The following DECR1 variants were observed in gnomAD, a reference collection of about 807,000 sequenced individuals.
The protein encoded by DECR1 is 2,4-dienoyl-CoA reductase 1.
In DECR1, 44 loss-of-function variants were observed where a neutral mutation model predicts 38.8. The ratio of observed to expected loss-of-function variants is 1.13; its 90% confidence interval spans 0.89 to 1.46. The LOEUF is 1.46. Ranked by LOEUF, DECR1 falls within the 40% of genes most tolerant of loss-of-function variation. The pLI is 0.00. For synonymous variants in DECR1, 148 were observed against 135.2 expected, an observed-to-expected ratio of 1.09 and a Z score of -0.66; for missense variants, 428 against 405.5, an observed-to-expected ratio of 1.06 and a Z score of -0.48.
chr8:90,028,102 G>A lies in DECR1; in HGVS notation c.565+7046G>A, dbSNP rs373995664. Among the ~76,000 whole-genome samples, 41 of 152,152 alleles carry A rather than the reference G, an allele frequency of 2.7e-4. No homozygotes were observed. The South Asian group carries it at 7.1e-3, about 26-fold the overall frequency. On this transcript the variant is annotated intron_variant, in intron 5 of 9. Transcript: ENST00000220764. The stretch of plus-strand genomic sequence containing the variant: ...GGAGTTTATATGCAGATGTTACCTC[G>A]TCCTTTGCACCTGCTCTGGCAGCTT...
At position 90,017,251 on chromosome 8, in the gene DECR1, G is replaced by A; in HGVS notation, c.197G>A (p.Gly66Glu). The A allele has an allele frequency of 3.7e-6, 6 of 1,614,162 alleles. No homozygotes were observed. The highest frequency in any genetic ancestry group is 4.2e-6 in the Non-Finnish European group (5 of 1,180,040). The change falls in exon 2 of 10, where the codon GGG becomes GAG. Residue 66 changes from glycine (G) to glutamate (E), a missense_variant. Transcript: ENST00000220764. Reference sequence around the variant, plus strand: ...CAAGGAAAAGTGGCATTCATTACTGGGGGAGGTACTGGCCTTGGTAAAGGA... The same window carrying A: ...CAAGGAAAAGTGGCATTCATTACTGAGGGAGGTACTGGCCTTGGTAAAGGA... ...SFQGKVAFIT[G>E]GGTGLGKGMT...
At chr8:90,005,353 A>G (rs1318023942) in intron 1 of DECR1, 1 of 456,316 alleles carries the variant, frequency 2.2e-6, no homozygotes, top group Admixed American at 2.3e-5. Flanking sequence ...AGAAGCATAG[A>G]GTCCAATGGC....
chr8:90,001,677 G>A, intron 1 of DECR1, 116 bp downstream of exon 1: 1 of 956,604 alleles, frequency 1.0e-6, no homozygotes, highest in East Asian at 2.6e-5. Flanking sequence ...GGCGCAAAGA[G>A]AGAGGACAGG....
Position 90,051,678 on chromosome 8 carries a change from TCATTAA to T in DECR1, c.888_893del (p.Ile297_Lys298del), listed in dbSNP as rs763103653. On this transcript the variant is annotated inframe_deletion and splice_region_variant, in exon 9 of 10. Coordinates refer to ENST00000220764, the MANE Select transcript of DECR1 (RefSeq NM_001359.2). ...AGTTTAAAAATTTGTTTTTTCCAGG[TCATTAA>T]ATTTGACGGTGGAGAGGAAGTACTT... 8 of 1,611,296 alleles carry T rather than the reference TCATTAA, an allele frequency of 5.0e-6. No homozygotes were observed. The East Asian group carries it at 1.8e-4, about 36-fold the overall frequency.
intron 6 of DECR1, among the ~76,000 whole-genome samples, chr8:90,037,929 A>G (rs1489978360): frequency 1.3e-5 from 2 of 152,120 alleles, no homozygotes; most frequent in Non-Finnish European, 2.9e-5. Context: ...CTAAGAACAT[A>G]TATGTCTGCT....
intron 5 of DECR1, among the ~76,000 whole-genome samples, chr8:90,034,672 G>A (rs938157199): frequency 2.6e-5 from 4 of 151,962 alleles, no homozygotes; most frequent in Admixed American, 1.3e-4. Context: ...GGCTGGTCTC[G>A]AACTCCTGAC....
At chr8:90,012,402 C>T (rs1173343524) in intron 1 of DECR1, among the ~76,000 whole-genome samples, 1 of 152,124 alleles carries the variant, frequency 6.6e-6, no homozygotes, top group African/African-American at 2.4e-5. Flanking sequence ...GTCCACCTGC[C>T]TCGGCCTCCC....
intron 1 of DECR1, among the ~76,000 whole-genome samples, chr8:90,008,596 G>T (rs1812800645): frequency 6.6e-6 from 1 of 152,188 alleles, no homozygotes; most frequent in Non-Finnish European, 1.5e-5. Flanking sequence ...AGGCAAAAAT[G>T]TGATGAAATA....
intron 5 of DECR1, among the ~76,000 whole-genome samples, chr8:90,033,993 G>C (rs544527780): frequency 6.6e-6 from 1 of 152,120 alleles, no homozygotes; most frequent in Non-Finnish European, 1.5e-5. Context: ...CTTTCATGGA[G>C]TACGATTTTG....
At chr8:90,024,903 G>A (rs568993950) in intron 5 of DECR1, among the ~76,000 whole-genome samples, 3 of 152,304 alleles carry the variant, frequency 2.0e-5, no homozygotes, top group African/African-American at 7.2e-5. Flanking sequence ...TGTATAAGGA[G>A]TAAAAGGAAG....
chr8:90,046,393 G>A (rs1237178391), intron 8 of DECR1, among the ~76,000 whole-genome samples: 1 of 152,222 alleles, frequency 6.6e-6, no homozygotes, highest in African/African-American at 2.4e-5. Flanking sequence ...CGTGATGCAT[G>A]AACAAGCTTC....
intron 9 of DECR1, 37 bp from the exon 10 acceptor site, chr8:90,051,801 T>G: frequency 6.2e-7 from 1 of 1,613,138 alleles, no homozygotes; most frequent in Non-Finnish European, 8.5e-7. Context: ...TAAAAACATG[T>G]AAAAAGGACA....
intron 5 of DECR1, among the ~76,000 whole-genome samples, chr8:90,029,025 C>T (rs530204782): frequency 2.0e-5 from 3 of 152,000 alleles, no homozygotes; most frequent in Admixed American, 6.6e-5. Flanking sequence ...CTATTAAAAT[C>T]GACAATTGAC....
chr8:90,006,764 C>A (rs533026240), intron 1 of DECR1, among the ~76,000 whole-genome samples: 1 of 152,046 alleles, frequency 6.6e-6, no homozygotes, highest in Non-Finnish European at 1.5e-5. Flanking sequence ...AGTAGGGAGA[C>A]CAAACATCCA....
At chr8:90,009,833 CT>C (rs768171229) in intron 1 of DECR1, among the ~76,000 whole-genome samples, 1 of 152,184 alleles carries the variant, frequency 6.6e-6, no homozygotes, top group Non-Finnish European at 1.5e-5. Context: ...GTGATTTCAT[CT>C]CTTTTTATTT....
At chr8:90,025,574 A>G (rs892958946) in intron 5 of DECR1, among the ~76,000 whole-genome samples, 2 of 152,198 alleles carry the variant, frequency 1.3e-5, no homozygotes, top group African/African-American at 4.8e-5. Context: ...TTGATTTTGT[A>G]TCCTGAGACT....
chr8:90,009,508 T>C (rs1812830874), intron 1 of DECR1, among the ~76,000 whole-genome samples: 1 of 151,656 alleles, frequency 6.6e-6, no homozygotes, highest in Non-Finnish European at 1.5e-5. Context: ...GTCTGTTTTT[T>C]TTTTTTACTG....
At position 90,048,374 on chromosome 8, in the gene DECR1, G is replaced by T. The variant is rs200101627; in HGVS notation, c.886-3303G>T. Among the ~76,000 whole-genome samples the T allele has an allele frequency of 3.3e-5, 5 of 152,072 alleles. No individual in the cohort carries two copies. In the South Asian group the frequency reaches 6.2e-4, roughly 19 times the overall value. ...GGGATATCACCACCTATCCCACAGA[G>T]ATACAAACTCCCATCAGAGAATACT... is the stretch of plus-strand genomic sequence containing the variant. On this transcript the variant is annotated intron_variant, in intron 8 of 9. Transcript: ENST00000220764.
chr8:90,004,438 T>G (rs1812692220), intron 1 of DECR1, among the ~76,000 whole-genome samples: 1 of 152,190 alleles, frequency 6.6e-6, no homozygotes, highest in Admixed American at 6.5e-5. Flanking sequence ...AGCAATACAG[T>G]TAACAAAGTA....
Sources: gnomAD v4.1 joint callset for allele counts (sites outside exome capture counted in the v4.1 genomes callset) on GRCh38, gnomAD v4.1.1 for gene constraint, MANE v1.5 for transcripts, NCBI Gene and HGNC (gene_info 2026-07-23, HGNC 2026-07-21) for gene names.